Variants in PRKCA observed in about 807,000 individuals in gnomAD.
PRKCA encodes the protein protein kinase C alpha, also known as protein kinase C alpha type.
A neutral mutation model predicts 87.0 loss-of-function variants in PRKCA; 27 were observed. That is an observed-to-expected ratio of 0.31 (90% confidence interval 0.23 to 0.43). The LOEUF (loss-of-function observed/expected upper bound fraction) is 0.43. PRKCA is among the 20% of genes least tolerant of loss of function. The probability of loss-of-function intolerance (pLI) is 1.00; values close to 1 mark genes in which losing one functional copy is unlikely to be tolerated. For missense variants in PRKCA, 518 were observed against 852.3 expected (o/e 0.61, Z 4.88); for synonymous variants, 329 against 311.1 (o/e 1.06, Z -0.61).
intron 10 of PRKCA, among the ~76,000 whole-genome samples, 170 bp downstream of exon 10, chr17:66,735,832 G>T (rs1338818586): frequency 6.6e-6 from 1 of 151,870 alleles, no homozygotes; most frequent in Non-Finnish European, 1.5e-5. Flanking sequence ...TGGTAGATTT[G>T]GGGCATGCCT....
intron 8 of PRKCA, among the ~76,000 whole-genome samples, chr17:66,720,707 T>C (rs1247716634): frequency 6.6e-6 from 1 of 152,216 alleles, no homozygotes; most frequent in Non-Finnish European, 1.5e-5. Flanking sequence ...TTGTTCAGAT[T>C]AGCTGTGAAT....
chr17:66,798,335 A>G (rs989665353), intron 16 of PRKCA, among the ~76,000 whole-genome samples: 4 of 146,810 alleles, frequency 2.7e-5, no homozygotes, highest in Admixed American at 6.9e-5. Flanking sequence ...TCCTTTCTCC[A>G]AGGATCCAAA....
intron 3 of PRKCA, among the ~76,000 whole-genome samples, chr17:66,537,442 G>T (rs1967827714): frequency 6.6e-6 from 1 of 152,204 alleles, no homozygotes; most frequent in African/African-American, 2.4e-5. Context: ...AGTGTTCTTT[G>T]TGATTTGATT....
intron 2 of PRKCA, among the ~76,000 whole-genome samples, chr17:66,332,661 A>G (rs1906409602): frequency 6.6e-6 from 1 of 151,554 alleles, no homozygotes; most frequent in Admixed American, 6.6e-5. Context: ...TTTTCTATGA[A>G]GTCTAAAATA....
chr17:66,569,774 C>T (rs1969015945), intron 3 of PRKCA, among the ~76,000 whole-genome samples: 3 of 152,090 alleles, frequency 2.0e-5, no homozygotes, highest in Admixed American at 1.3e-4. Flanking sequence ...ATGAAAAAGA[C>T]CACAGTACTA....
chr17:66,462,062 G>T (rs923208712), intron 2 of PRKCA, among the ~76,000 whole-genome samples: 6 of 152,222 alleles, frequency 3.9e-5, no homozygotes, highest in Admixed American at 3.9e-4. Flanking sequence ...ATGAGACCTT[G>T]GTTGTGGGCA....
At chr17:66,416,221 G>C (rs1912137461) in intron 2 of PRKCA, 1 of 152,264 alleles carries the variant, frequency 6.6e-6, no homozygotes, top group South Asian at 2.1e-4. Context: ...TATCACACAG[G>C]CTACAGGTCC....
intron 3 of PRKCA, among the ~76,000 whole-genome samples, chr17:66,605,507 T>G (rs1042007018): frequency 4.6e-5 from 7 of 152,242 alleles, no homozygotes; most frequent in Admixed American, 6.5e-5. Flanking sequence ...ACTTCTGGAA[T>G]GTACATTGGT....
rs906699846 is a variant in PRKCA at position 66,684,715 on chromosome 17, A to G, written c.530-2396A>G. ...TCTGTCAGGAATATAAATTGAAGAT[A>G]TAAAAGCCAGCACCCGCAATAATTC... On this transcript the variant is annotated intron_variant, in intron 5 of 16. Coordinates refer to ENST00000413366, the MANE Select transcript of PRKCA (RefSeq NM_002737.3). 3.9e-5 allele frequency among the ~76,000 whole-genome samples: 6 copies of G among 152,228 alleles called. 1 individual carries two copies. Among genetic ancestry groups the G allele is most frequent in the Middle Eastern group, 3.2e-3 (1 of 316 alleles).
intron 8 of PRKCA, among the ~76,000 whole-genome samples, chr17:66,717,784 A>T (rs1239158942): frequency 6.6e-6 from 1 of 151,902 alleles, no homozygotes; most frequent in Non-Finnish European, 1.5e-5. Context: ...GGCAGGTCAG[A>T]CTCCCCAGGG....
chr17:66,676,022 G>T (rs1972318722), intron 5 of PRKCA, among the ~76,000 whole-genome samples: 1 of 152,136 alleles, frequency 6.6e-6, no homozygotes, highest in South Asian at 2.1e-4. Context: ...GGTAAATCCT[G>T]TTCTGGAGGC....
intron 14 of PRKCA, among the ~76,000 whole-genome samples, chr17:66,782,038 C>T (rs1419398728): frequency 6.6e-6 from 1 of 151,784 alleles, no homozygotes; most frequent in Non-Finnish European, 1.5e-5. Flanking sequence ...TTCAGCCTCC[C>T]AGGTAGCAGG....
intron 2 of PRKCA, among the ~76,000 whole-genome samples, chr17:66,349,401 A>G (rs1042773508): frequency 2.0e-5 from 3 of 152,104 alleles, no homozygotes; most frequent in South Asian, 4.1e-4. Context: ...TGTCTTAGGG[A>G]TGGAAAACCA....
chr17:66,786,039 A>G (rs931827299), intron 14 of PRKCA, among the ~76,000 whole-genome samples: 2 of 152,164 alleles, frequency 1.3e-5, no homozygotes, highest in Admixed American at 6.5e-5. Flanking sequence ...CATGTTAGCC[A>G]GGATGGTCTC....
At chr17:66,558,046 T>C (rs193199703) in intron 3 of PRKCA, among the ~76,000 whole-genome samples, 11 of 152,338 alleles carry the variant, frequency 7.2e-5, no homozygotes, top group Non-Finnish European at 1.6e-4. Context: ...TCCCAATTGC[T>C]GAAATGTTTA....
At chr17:66,460,772 G>T (rs1278133315) in intron 2 of PRKCA, among the ~76,000 whole-genome samples, 1 of 152,192 alleles carries the variant, frequency 6.6e-6, no homozygotes, top group East Asian at 1.9e-4. Context: ...GAAACGGTAA[G>T]GCTAGCAAAG....
At chr17:66,569,823 A>G (rs1339478063) in intron 3 of PRKCA, among the ~76,000 whole-genome samples, 1 of 152,222 alleles carries the variant, frequency 6.6e-6, no homozygotes, top group East Asian at 1.9e-4. Context: ...GCAAATTGCT[A>G]TAACCACTTT....
chr17:66,604,967 A>G (rs1970165177), intron 3 of PRKCA, among the ~76,000 whole-genome samples: 1 of 151,978 alleles, frequency 6.6e-6, no homozygotes, highest in Non-Finnish European at 1.5e-5. Context: ...TGTGTCAGCT[A>G]CTCTGAAGCT....
intron 2 of PRKCA, among the ~76,000 whole-genome samples, chr17:66,462,100 G>C (rs1039243381): frequency 4.6e-5 from 7 of 152,106 alleles, no homozygotes; most frequent in African/African-American, 1.7e-4. Context: ...TCTTTTAAAC[G>C]TCGGGTCTGC....
Sources: gnomAD v4.1 joint callset for allele counts (sites outside exome capture counted in the v4.1 genomes callset) on GRCh38, gnomAD v4.1.1 for gene constraint, MANE v1.5 for transcripts, NCBI Gene and HGNC (gene_info 2026-07-23, HGNC 2026-07-21) for gene names.